Variants in TECR observed in about 807,000 individuals in gnomAD.
TECR encodes very-long-chain enoyl-CoA reductase.
TECR carries 19 observed loss-of-function variants against 50.6 expected under a neutral mutation model. That is an observed-to-expected ratio of 0.38 (90% CI 0.26 to 0.55). TECR has a LOEUF of 0.55. Among genes scored for constraint, TECR ranks in the 20% least tolerant of loss-of-function variants. The probability of loss-of-function intolerance (pLI) is 0.79; values close to 1 mark genes in which losing one functional copy is unlikely to be tolerated. For missense variants in TECR, 313 were observed against 408.3 expected (o/e 0.77, Z 2.01); for synonymous variants, 168 against 163.5 (o/e 1.03, Z -0.21).
intron 1 of TECR, among the ~76,000 whole-genome samples, chr19:14,551,013 C>T (rs2073482945): frequency 6.6e-6 from 1 of 151,758 alleles, no homozygotes; most frequent in African/African-American, 2.4e-5. Context: ...CTTATTAAGT[C>T]CACCTTAAAT....
intron 1 of TECR, among the ~76,000 whole-genome samples, chr19:14,551,182 C>T (rs1242333455): frequency 1.3e-5 from 2 of 151,954 alleles, no homozygotes; most frequent in African/African-American, 2.4e-5. Flanking sequence ...TAACGATTCT[C>T]CTGCCTCAGG....
Position 14,563,347 on chromosome 19 carries a change from AG to A in TECR, c.118+94del, listed in dbSNP as rs1834256554. ...GGATCCCATCCTGCACCCCTCTCCC[AG>A]GGGCCTGCAGAGATGCCCCAGTGTG... On this transcript the variant is annotated intron_variant, in intron 3 of 12. Coordinates refer to ENST00000215567, the MANE Select transcript of TECR (RefSeq NM_138501.6). The surrounding 1 kb of genome is among the most constrained non-coding windows in gnomAD (Gnocchi z 5.3). 7.9e-7 allele frequency: 1 copy of A among 1,269,666 alleles called. No homozygotes were observed. The highest frequency in any genetic ancestry group is 1.1e-6 in the Non-Finnish European group (1 of 875,866). The allele number at this position is 1,269,666 out of a possible 1,614,324, so 78.7% of individuals were successfully genotyped here.
chr19:14,529,807 C>T (rs2072549479), intron 1 of TECR, 96 bp downstream of exon 1: 2 of 1,574,938 alleles, frequency 1.3e-6, no homozygotes, highest in East Asian at 2.3e-5. Context: ...GTCCTGTGCC[C>T]CGAAGGAAGA....
At position 14,564,162 on chromosome 19, in the gene TECR, AGCCTGCTCCCCCCGACCAGCCTC is replaced by A. The variant is rs1568431000; in HGVS notation, c.384-13_393del. 6.2e-7 allele frequency: 1 copy of A among 1,606,338 alleles called. No homozygotes were observed. On this transcript the variant is annotated splice_acceptor_variant and splice_polypyrimidine_tract_variant and coding_sequence_variant and intron_variant, in exon 7 of 13. Coordinates refer to ENST00000215567, the MANE Select transcript of TECR (RefSeq NM_138501.6). LOFTEE classifies it high-confidence loss of function. ...AGACCTGCCGGACCAGCCCCAGCTG[AGCCTGCTCCCCCCGACCAGCCTC>A]GCCTGCATCTGTCACTCATTCCACT...
In TECR at chr19:14,542,347, G is replaced by GTTTT. The variant is rs71166754; in HGVS notation, c.15+12662_15+12665dup. 4.6e-4 allele frequency among the ~76,000 whole-genome samples: 20 copies of GTTTT among 43,298 alleles called. 3 individuals are homozygous for GTTTT. Among genetic ancestry groups the GTTTT allele is most frequent in the East Asian group, 1.4e-3 (2 of 1,454 alleles). 28.4% of individuals were successfully genotyped at this position (43,298 alleles called of 152,430 possible). A position where few individuals can be genotyped will look rare whatever the true frequency, so the allele number is the denominator to read the frequency against. On this transcript the variant is annotated intron_variant, in intron 1 of 12. Coordinates refer to ENST00000215567, the MANE Select transcript of TECR (RefSeq NM_138501.6). ...CCTCAGGGGGCCCTCATGCCATAGT[G>GTTTT]TTTTTTTTTTTTTTTTTTTTTTTTT...
intron 7 of TECR, chr19:14,564,583 C>T: frequency 3.5e-6 from 2 of 565,392 alleles, no homozygotes; most frequent in Non-Finnish European, 6.3e-6. Flanking sequence ...CCAGTTTCAC[C>T]CCTAGGCCCC....
rs372060170 is a variant in TECR, at chr19:14,533,756, CCT to C, written c.15+4052_15+4053del. On this transcript the variant is annotated intron_variant, in intron 1 of 12. Coordinates refer to ENST00000215567, the MANE Select transcript of TECR (RefSeq NM_138501.6). ...ACTCTGTGGCCTAATTGAGGTGAAG[CCT>C]CTCTCTAGAACGGGTCACCTCCAGG... Among the ~76,000 whole-genome samples, 730 of 152,244 alleles carry C rather than the reference CCT, an allele frequency of 4.8e-3. 3 individuals are homozygous for C. The highest frequency in any genetic ancestry group is 0.01 in the Middle Eastern group (3 of 294).
At chr19:14,553,897 C>T (rs1263510429) in intron 1 of TECR, among the ~76,000 whole-genome samples, 2 of 152,154 alleles carry the variant, frequency 1.3e-5, no homozygotes, top group African/African-American at 2.4e-5. Context: ...GTGTCTTTAC[C>T]TGGGGCCCTG....
intron 1 of TECR, among the ~76,000 whole-genome samples, chr19:14,547,323 C>A (rs1045149359): frequency 6.6e-6 from 1 of 151,622 alleles, no homozygotes; most frequent in Non-Finnish European, 1.5e-5. Context: ...TAGTTACAGG[C>A]GTGAGCCACC....
Position 14,550,541 on chromosome 19 carries a change from C to T in TECR, c.16-11984C>T, listed in dbSNP as rs571839398. 3.9e-5 allele frequency among the ~76,000 whole-genome samples: 6 copies of T among 152,280 alleles called. 1 individual carries two copies. The South Asian group carries it at 1.3e-3, about 32-fold the overall frequency. On this transcript the variant is annotated intron_variant, in intron 1 of 12. Coordinates refer to ENST00000215567, the MANE Select transcript of TECR (RefSeq NM_138501.6). ...AGTTGGAGAGAGACCCAGGTGTCGT[C>T]CCCAACTGCCACCCAGCTGTGGGTG...
At position 14,564,245 on chromosome 19, in the gene TECR, C is replaced by A. The variant is rs1234910477; in HGVS notation, c.447C>A (p.His149Gln). 6.2e-7 allele frequency: 1 copy of A among 1,607,626 alleles called. No homozygotes were observed. Residue 149 changes from histidine (H) to glutamine (Q), a missense_variant, in exon 7 of 13, where the codon CAC becomes CAA. Physicochemically the swap from His to Gln is conservative, Grantham distance 24 (BLOSUM62 0). Coordinates refer to ENST00000215567, the MANE Select transcript of TECR (RefSeq NM_138501.6). ...IKRLLETLFV[H>Q]RFSHGTMPLR... The stretch of plus-strand genomic sequence containing the variant: ...GCCTGCTGGAGACGCTCTTCGTGCA[C>A]CGCTTCTCCCATGGCACTATGCCTT...
chr19:14,556,332 T>C (rs538794537), intron 1 of TECR, among the ~76,000 whole-genome samples: 2 of 151,918 alleles, frequency 1.3e-5, no homozygotes, highest in South Asian at 2.1e-4. Flanking sequence ...CACTCTCAAA[T>C]GGCCATCCTC....
intron 1 of TECR, among the ~76,000 whole-genome samples, chr19:14,558,463 C>CCCTGA (rs1905471581): frequency 2.0e-5 from 3 of 152,244 alleles, no homozygotes; most frequent in Admixed American, 2.0e-4. Flanking sequence ...CTTGGCTCTG[C>CCCTGA]CCTGACCTCG....
chr19:14,541,510 C>G (rs892086542), intron 1 of TECR, among the ~76,000 whole-genome samples: 3 of 152,230 alleles, frequency 2.0e-5, no homozygotes, highest in African/African-American at 7.2e-5. Flanking sequence ...TTCATTAGTT[C>G]ATTTGTTCCA....
chr19:14,556,413 A>AAAAACAAAAACAAAAAC (rs1555735954), intron 1 of TECR, among the ~76,000 whole-genome samples: 1 of 86,514 alleles, frequency 1.2e-5, no homozygotes. Context: ...TCTCTCAAAA[A>AAAAACAAAAACAAAAAC]AAAAACAAAA....
In TECR at chr19:14,557,114, CTTATTTAT is replaced by C. The variant is rs3050003; in HGVS notation, c.16-5376_16-5369del. ...GCTGTTCTGCTAGTGTTGGTCTAAT[CTTATTTAT>C]TTATTTATTTATTTATTTATTTATT... On this transcript the variant is annotated intron_variant, in intron 1 of 12. Coordinates refer to ENST00000215567, the MANE Select transcript of TECR (RefSeq NM_138501.6). Among the ~76,000 whole-genome samples the C allele has an allele frequency of 2.3e-3, 320 of 140,446 alleles. 1 individual carries two copies. Among genetic ancestry groups the C allele is most frequent in the Middle Eastern group, 3.5e-3 (1 of 286 alleles). The allele number at this position is 140,446 out of a possible 152,430, so 92.1% of individuals were successfully genotyped here.
Position 14,563,466 on chromosome 19 carries a change from C to A in TECR, c.119-192C>A. The stretch of plus-strand genomic sequence containing the variant: ...AGGCTCTGGGAAGGACAAGATCCTG[C>A]TTCTGCCCGCGCTCTTCTGGCTTGT... On this transcript the variant is annotated intron_variant, in intron 3 of 12. Transcript: ENST00000215567. This position sits in a 1 kb window ranked among gnomAD's most constrained non-coding sequence, Gnocchi z 5.3. 1 of 839,544 alleles carries A rather than the reference C, an allele frequency of 1.2e-6. No homozygotes were observed. The highest frequency in any genetic ancestry group is 1.9e-6 in the Non-Finnish European group (1 of 522,948). 52.0% of individuals were successfully genotyped at this position (839,544 alleles called of 1,614,324 possible).
intron 1 of TECR, among the ~76,000 whole-genome samples, chr19:14,555,900 C>G (rs1166196105): frequency 2.0e-5 from 3 of 152,154 alleles, no homozygotes. Flanking sequence ...TTTCACCTCT[C>G]TATAGCTCCC....
chr19:14,564,338 C>G, intron 7 of TECR, 51 bp downstream of exon 7: 1 of 1,407,292 alleles, frequency 7.1e-7, no homozygotes, highest in African/African-American at 1.5e-5. Flanking sequence ...CTGCCCCACC[C>G]CGCCCCGCCC....
Sources: gnomAD v4.1 joint callset for allele counts (sites outside exome capture counted in the v4.1 genomes callset) on GRCh38, gnomAD v4.1.1 for gene constraint, Gnocchi (gnomAD v3.1) non-coding constraint, MANE v1.5 for transcripts, NCBI Gene and HGNC (gene_info 2026-07-23, HGNC 2026-07-21) for gene names.